PRUNE2: variants seen among roughly 807,000 people sequenced by gnomAD.
PRUNE2 encodes the protein protein prune homolog 2.
PRUNE2 carries 164 observed loss-of-function variants against 252.0 expected under a neutral mutation model. That is an observed-to-expected ratio of 0.65 (90% CI 0.57 to 0.74). The LOEUF is 0.74. Ranked by LOEUF, PRUNE2 falls within the 30% of genes least tolerant of loss-of-function variation. The pLI is 0.00. For missense variants in PRUNE2, 3,495 were observed against 3,711.0 expected (o/e 0.94, Z 1.51); for synonymous variants, 1,292 against 1,350.2 (o/e 0.96, Z 0.94).
chr9:76,892,315 T>C lies in PRUNE2; in HGVS notation c.36+13613A>G, dbSNP rs571808897. Among the ~76,000 whole-genome samples the C allele has an allele frequency of 4.6e-5, 7 of 152,354 alleles. No individual in the cohort carries two copies. The East Asian group carries it at 9.6e-4, about 21-fold the overall frequency. On this transcript the variant is annotated intron_variant, in intron 1 of 18. Transcript: ENST00000376718. ...CTGTCACAATGTACTGTGGGACTAGTTAACCTCTCTGAGTCTTGAAATTTG... is the reference window on the plus strand; with the variant it reads ...CTGTCACAATGTACTGTGGGACTAGCTAACCTCTCTGAGTCTTGAAATTTG...
chr9:76,846,757 C>A, intron 3 of PRUNE2, 79 bp from the exon 4 acceptor site: 1 of 1,300,890 alleles, frequency 7.7e-7, no homozygotes, highest in South Asian at 1.5e-5. Context: ...AATCTCTGCT[C>A]TCACACAAAT....
chr9:76,836,899 A>G (rs980295034), intron 4 of PRUNE2, among the ~76,000 whole-genome samples: 4 of 152,134 alleles, frequency 2.6e-5, no homozygotes, highest in Non-Finnish European at 5.9e-5. Context: ...ACATACCTCT[A>G]ATTAGTATAC....
rs150975605 is a variant in PRUNE2, at chr9:76,886,228, G to A, written c.36+19700C>T. On this transcript the variant is annotated intron_variant, in intron 1 of 18. Transcript: ENST00000376718. Reference sequence around the variant, plus strand: ...AAGAACTTATGCAATGCTCTTACACGTGATCATGATGAATAAATATTACAT... The same window carrying A: ...AAGAACTTATGCAATGCTCTTACACATGATCATGATGAATAAATATTACAT... Among the ~76,000 whole-genome samples, 277 of 151,270 alleles carry A rather than the reference G, an allele frequency of 1.8e-3. 1 individual carries two copies. Among genetic ancestry groups the A allele is most frequent in the African/African-American group, 4.3e-3 (176 of 41,222 alleles).
chr9:76,701,498 G>A (rs1042289632), intron 9 of PRUNE2, among the ~76,000 whole-genome samples: 1 of 152,184 alleles, frequency 6.6e-6, no homozygotes, highest in African/African-American at 2.4e-5. Flanking sequence ...CACACAAGAA[G>A]CCAAACAATA....
chr9:76,710,343 A>C lies in PRUNE2; in HGVS notation c.1931T>G (p.Met644Arg), dbSNP rs1588745943. The C allele has an allele frequency of 6.2e-7, 1 of 1,613,966 alleles. No homozygotes were observed. ...MTQKATDTGH[M>R]GPPQTHARCS... ...CCGTGCATGGGTCTGAGGTGGCCCC[A>C]TGTGACCTGTGTCAGTTGCTTTTTG... Residue 644 changes from methionine (M) to arginine (R), a missense_variant, in exon 8 of 19, where the codon ATG (methionine) becomes AGG (arginine). Coordinates refer to ENST00000376718, the MANE Select transcript of PRUNE2 (RefSeq NM_015225.3).
intron 6 of PRUNE2, among the ~76,000 whole-genome samples, chr9:76,795,221 G>A (rs1442802970): frequency 7.9e-5 from 12 of 151,556 alleles, no homozygotes; most frequent in African/African-American, 9.8e-5. Flanking sequence ...TCAGTATCTC[G>A]GGCACACATG....
chr9:76,794,286 TC>T (rs2055837236), intron 6 of PRUNE2, among the ~76,000 whole-genome samples: 2 of 152,252 alleles, frequency 1.3e-5, no homozygotes, highest in Middle Eastern at 3.4e-3. Flanking sequence ...GGGCTCAGCC[TC>T]AGGAGGTATC....
chr9:76,707,695 A>T lies in PRUNE2; in HGVS notation c.4579T>A (p.Ser1527Thr). ...GTATCTCTGTCAAAATTTCCAGACG[A>T]ACCGGCTCCTGGAAGGCTATTTTCA... is the stretch of plus-strand genomic sequence containing the variant. ...GSENSLPGAG[S>T]SGNFDRDTIS... is the part of the protein sequence containing the mutation. Residue 1527 changes from serine (S) to threonine (T), a missense_variant, in exon 8 of 19, where the codon TCG becomes ACG. Ser to Thr is a moderately conservative substitution (Grantham distance 58). Coordinates refer to ENST00000376718, the MANE Select transcript of PRUNE2 (RefSeq NM_015225.3). The T allele has an allele frequency of 1.9e-6, 3 of 1,613,968 alleles. No individual in the cohort carries two copies. Among genetic ancestry groups the T allele is most frequent in the Non-Finnish European group, 1.7e-6 (2 of 1,179,880 alleles).
chr9:76,887,710 A>G (rs1465605762), intron 1 of PRUNE2, among the ~76,000 whole-genome samples: 2 of 152,250 alleles, frequency 1.3e-5, no homozygotes, highest in Non-Finnish European at 2.9e-5. Context: ...CCATGAGAGC[A>G]GCATATCCCA....
chr9:76,838,082 T>C (rs951967284), intron 4 of PRUNE2, among the ~76,000 whole-genome samples: 3 of 152,110 alleles, frequency 2.0e-5, no homozygotes, highest in Non-Finnish European at 4.4e-5. Context: ...CCAAATACTA[T>C]TTTTATTCCT....
intron 6 of PRUNE2, among the ~76,000 whole-genome samples, chr9:76,781,360 A>G (rs1288609475): frequency 2.0e-5 from 3 of 151,726 alleles, no homozygotes; most frequent in East Asian, 3.9e-4. Context: ...CCTCCCCTAC[A>G]CTCACTATGA....
rs559948086 is a variant in PRUNE2 at position 76,644,855 on chromosome 9, G to A, written c.8612C>T (p.Thr2871Met). Residue 2871 changes from threonine to methionine, a missense_variant, in exon 12 of 19, where the codon ACG (threonine) becomes ATG (methionine). Coordinates refer to ENST00000376718, the MANE Select transcript of PRUNE2 (RefSeq NM_015225.3). ...GTTGTCCTCCCGTTCCTCTTCGGCCGTATATTCTGGAATAGACTCTGACTC... is the reference window on the plus strand; with the variant it reads ...GTTGTCCTCCCGTTCCTCTTCGGCCATATATTCTGGAATAGACTCTGACTC... The part of the protein sequence containing the change: ...GQESESIPEY[T>M]AEEEREDNRL... The A allele has an allele frequency of 7.4e-6, 12 of 1,613,746 alleles. No homozygotes were observed. Among genetic ancestry groups the A allele is most frequent in the East Asian group, 4.5e-5 (2 of 44,870 alleles).
At chr9:76,756,548 CA>C (rs1301090248) in intron 6 of PRUNE2, among the ~76,000 whole-genome samples, 1 of 152,222 alleles carries the variant, frequency 6.6e-6, no homozygotes, top group Non-Finnish European at 1.5e-5. Flanking sequence ...AGAACAGCTG[CA>C]TTCTCTTTGC....
Position 76,706,188 on chromosome 9 carries a change from A to G in PRUNE2, c.6086T>C (p.Met2029Thr), listed in dbSNP as rs2134855754. 6.2e-7 allele frequency: 1 copy of G among 1,614,000 alleles called. No homozygotes were observed. Among genetic ancestry groups the G allele is most frequent in the South Asian group, 1.1e-5 (1 of 91,080 alleles). ...GCCATCCCATTCAGAGCCTGGCTTC[A>G]TTATCAGTTGGGTGGGAGAACTGAC... The part of the protein sequence containing the change: ...PAVSSPTQLI[M>T]KPGSEWDGST... Residue 2029 changes from methionine (M) to threonine (T), a missense_variant, in exon 8 of 19, where the codon ATG (methionine) becomes ACG (threonine). Coordinates refer to ENST00000376718, the MANE Select transcript of PRUNE2 (RefSeq NM_015225.3).
chr9:76,816,295 C>T (rs187664775), intron 6 of PRUNE2, among the ~76,000 whole-genome samples: 24 of 152,068 alleles, frequency 1.6e-4, no homozygotes, highest in Admixed American at 3.3e-4. Context: ...TCAGCTTCAG[C>T]CACTTAGTAC....
chr9:76,707,829 G>A lies in PRUNE2; in HGVS notation c.4445C>T (p.Pro1482Leu), dbSNP rs778257752. 1.2e-6 allele frequency: 2 copies of A among 1,613,540 alleles called. No homozygotes were observed. The highest frequency in any genetic ancestry group is 1.1e-5 in the South Asian group (1 of 91,032). The change falls in exon 8 of 19, where the codon CCT (proline) becomes CTT (leucine). Residue 1482 changes from proline to leucine, a missense_variant. Pro to Leu is a moderately conservative substitution (Grantham distance 98). Transcript: ENST00000376718. ...LEPENVGGGPPHRVPRSLDFG... is the reference protein window; with the variant it reads ...LEPENVGGGPLHRVPRSLDFG... ...ATCAAGACTTCGGGGAACTCTGTGA[G>A]GTGGCCCTCCACCCACGTTCTCTGG... is the stretch of plus-strand genomic sequence containing the variant.
rs1848841137 is a variant in PRUNE2, at chr9:76,655,514, G to C, written c.8277-12C>G. The C allele has an allele frequency of 6.2e-7, 1 of 1,600,990 alleles. No individual in the cohort carries two copies. Among genetic ancestry groups the C allele is most frequent in the East Asian group, 2.2e-5 (1 of 44,740 alleles). The stretch of plus-strand genomic sequence containing the variant: ...CCTCTGACAGTAGTCTGCAAAAAAA[G>C]CAAAGCAAAGCGCGTCAACAACAAC... On this transcript the variant is annotated splice_polypyrimidine_tract_variant and intron_variant, in intron 9 of 18. Transcript: ENST00000376718.
rs1250980485 is a variant in PRUNE2, at chr9:76,850,631, A to C, written c.176T>G (p.Leu59Arg). ...GTTGAATTCAGTTCTTGGTATGTTC[A>C]GCACTGGTAAACACAGAACCCCTGG... ...SPPGVLCLPV[L>R]NIPRTEFNYF... Residue 59 changes from leucine (L) to arginine (R), a missense_variant, in exon 3 of 19, where the codon CTG (leucine) becomes CGG (arginine). Transcript: ENST00000376718. 1 of 1,614,180 alleles carries C rather than the reference A, an allele frequency of 6.2e-7. No individual in the cohort carries two copies. The highest frequency in any genetic ancestry group is 2.2e-5 in the East Asian group (1 of 44,886).
chr9:76,837,928 C>A (rs111373248), intron 4 of PRUNE2, among the ~76,000 whole-genome samples: 5 of 151,524 alleles, frequency 3.3e-5, no homozygotes, highest in East Asian at 3.9e-4. Context: ...CCTGCCACCA[C>A]GCCCAGCTAA....
Sources: allele counts gnomAD v4.1 joint callset (sites outside exome capture counted in the v4.1 genomes callset), GRCh38; gene constraint gnomAD v4.1.1; transcripts MANE v1.5; gene names NCBI Gene and HGNC (gene_info 2026-07-23, HGNC 2026-07-21).